The following SETDB1 variants were observed in gnomAD, a reference collection of about 807,000 sequenced individuals.
SETDB1 encodes SET domain bifurcated histone lysine methyltransferase 1.
In SETDB1, 31 loss-of-function variants were observed where a neutral mutation model predicts 137.4. The observed-to-expected ratio is 0.23, with a 90% CI of 0.17 to 0.30. The LOEUF (loss-of-function observed/expected upper bound fraction) is 0.30, where lower values mean the gene tolerates loss of function less well. Among genes scored for constraint, SETDB1 ranks in the 10% least tolerant of loss-of-function variants. The pLI, the probability that SETDB1 is intolerant of heterozygous loss-of-function variation, is 1.00. For missense variants in SETDB1, 1,113 were observed against 1,631.5 expected (o/e 0.68, Z 5.47); for synonymous variants, 548 against 579.9 (o/e 0.95, Z 0.79).
chr1:150,927,956 T>G lies in SETDB1; in HGVS notation c.242T>G (p.Leu81Arg), dbSNP rs1669588918. ...KESEVAHVDQ[L>R]FDDASRAVTN... ...TCTGAGGTGGCTCACGTTGACCAAC[T>G]CTTTGATGATGCATCCAGGTGAGAA... Residue 81 changes from leucine to arginine, a missense_variant, in exon 2 of 22, where the codon CTC (leucine) becomes CGC (arginine). Around this residue, in one of 11 missense-constraint regions of SETDB1, gnomAD observed 159 missense variants for 188.6 expected, o/e 0.84. Transcript: ENST00000692827. 6.2e-7 allele frequency: 1 copy of G among 1,614,056 alleles called. No homozygotes were observed. Among genetic ancestry groups the G allele is most frequent in the African/African-American group, 1.3e-5 (1 of 74,938 alleles).
rs1352196916 is a variant in SETDB1 at position 150,950,755 on chromosome 1, C to T, written c.1881C>T (p.Ile627=). 6.2e-7 allele frequency: 1 copy of T among 1,614,210 alleles called. No homozygotes were observed. The highest frequency in any genetic ancestry group is 1.1e-5 in the South Asian group (1 of 91,090). The stretch of plus-strand genomic sequence containing the variant: ...ACCGCAAGATGGGCTTTCATGTTAT[C>T]TATAAGACACCTTGTGGTCTCTGCC... ...RVNRKMGFHV[I]YKTPCGLCLR... is the part of the protein sequence containing the mutation. Residue 627 remains isoleucine (I), a synonymous_variant, in exon 13 of 22, where the codon ATC becomes ATT. Coordinates refer to ENST00000692827, the MANE Select transcript of SETDB1 (RefSeq NM_001366418.1).
intron 2 of SETDB1, 130 bp from the exon 3 acceptor site, chr1:150,929,837 A>G (rs1007919085): frequency 4.1e-6 from 3 of 729,556 alleles, no homozygotes; most frequent in Non-Finnish European, 6.8e-6. Context: ...TTCTAAACAG[A>G]GACACTTTGG....
At chr1:150,943,130 C>G in intron 7 of SETDB1, 77 bp downstream of exon 7, 1 of 993,434 alleles carries the variant, frequency 1.0e-6, no homozygotes, top group Non-Finnish European at 1.6e-6. Flanking sequence ...AGACCAGATA[C>G]CACAATTAGC....
intron 4 of SETDB1, among the ~76,000 whole-genome samples, chr1:150,940,852 G>T (rs2102684971): frequency 6.6e-6 from 1 of 152,264 alleles, no homozygotes; most frequent in Admixed American, 6.5e-5. Context: ...ACAAAAATTA[G>T]CTGGGCATGG....
intron 2 of SETDB1, 34 bp from the exon 3 acceptor site, chr1:150,929,933 G>A (rs956600513): frequency 2.5e-6 from 4 of 1,597,388 alleles, no homozygotes; most frequent in Non-Finnish European, 3.4e-6. Flanking sequence ...TCCTCTACTG[G>A]CTTTGACCTT....
intron 14 of SETDB1, among the ~76,000 whole-genome samples, chr1:150,957,102 G>A (rs1402745822): frequency 6.7e-6 from 1 of 149,924 alleles, no homozygotes; most frequent in African/African-American, 2.5e-5. Context: ...GGGTGACAGA[G>A]CAAGACCATG....
At chr1:150,953,315 A>G (rs1670549730) in intron 14 of SETDB1, among the ~76,000 whole-genome samples, 1 of 152,158 alleles carries the variant, frequency 6.6e-6, no homozygotes, top group Non-Finnish European at 1.5e-5. Context: ...ACTTGAGGTC[A>G]GGAGTTCAAG....
At chr1:150,963,426 C>T (rs905017541) in intron 19 of SETDB1, 104 bp from the exon 20 acceptor site, 24 of 972,206 alleles carry the variant, frequency 2.5e-5, no homozygotes, top group East Asian at 1.7e-4. Flanking sequence ...TGGTGTTTCT[C>T]AGCTGCAATG....
In SETDB1 at chr1:150,929,960, A is replaced by G; in HGVS notation, c.261-7A>G. Reference sequence around the variant, plus strand: ...TTTGACCTTTTCTGCATGTGTTCCAATATTAGGGCAGTGACTAATTGTGAG... The same window carrying G: ...TTTGACCTTTTCTGCATGTGTTCCAGTATTAGGGCAGTGACTAATTGTGAG... On this transcript the variant is annotated splice_region_variant and splice_polypyrimidine_tract_variant and intron_variant, in intron 2 of 21. Transcript: ENST00000692827. The G allele has an allele frequency of 1.9e-6, 3 of 1,611,786 alleles. No homozygotes were observed. The highest frequency in any genetic ancestry group is 2.5e-6 in the Non-Finnish European group (3 of 1,179,086).
chr1:150,958,621 A>G (rs1446542696), intron 14 of SETDB1, among the ~76,000 whole-genome samples: 2 of 152,128 alleles, frequency 1.3e-5, no homozygotes, highest in African/African-American at 4.8e-5. Flanking sequence ...TACTGAATGA[A>G]AGAATGAAAA....
chr1:150,938,922 G>A (rs1350163066), intron 3 of SETDB1, among the ~76,000 whole-genome samples: 1 of 151,322 alleles, frequency 6.6e-6, no homozygotes, highest in African/African-American at 2.4e-5. Flanking sequence ...GAACCCGAGA[G>A]GCAGAGGTTG....
chr1:150,928,969 C>T (rs1259882011), intron 2 of SETDB1, among the ~76,000 whole-genome samples: 3 of 152,072 alleles, frequency 2.0e-5, no homozygotes, highest in Non-Finnish European at 2.9e-5. Context: ...GTATATGTGC[C>T]ACATTTCTTA....
chr1:150,952,004 C>T (rs1413794759), intron 14 of SETDB1, among the ~76,000 whole-genome samples: 2 of 151,816 alleles, frequency 1.3e-5, no homozygotes, highest in South Asian at 2.1e-4. Flanking sequence ...AAAAATTAGC[C>T]GGGGGTGGTG....
chr1:150,942,460 A>G, intron 5 of SETDB1, 103 bp from the exon 6 acceptor site: 1 of 1,025,130 alleles, frequency 9.8e-7, no homozygotes, highest in Non-Finnish European at 1.4e-6. Context: ...AAAAAAAAAA[A>G]AATTACCCCA....
At chr1:150,959,488 G>C in intron 15 of SETDB1, 141 bp downstream of exon 15, 1 of 678,216 alleles carries the variant, frequency 1.5e-6, no homozygotes, top group Non-Finnish European at 2.6e-6. Context: ...CAAAGAACGT[G>C]ATGAGTGATG....
chr1:150,960,140 G>A (rs112456993), intron 15 of SETDB1, among the ~76,000 whole-genome samples: 9 of 151,646 alleles, frequency 5.9e-5, no homozygotes, highest in African/African-American at 2.2e-4. Context: ...TCTATATGCT[G>A]GTAGAGCGGG....
chr1:150,942,428 C>G (rs1670193316), intron 5 of SETDB1, 135 bp from the exon 6 acceptor site: 1 of 656,242 alleles, frequency 1.5e-6, no homozygotes, highest in Non-Finnish European at 2.5e-6. Context: ...AGCCTGGTGA[C>G]AGAGTGAGAC....
chr1:150,951,568 C>A, intron 14 of SETDB1, 87 bp downstream of exon 14: 2 of 706,254 alleles, frequency 2.8e-6, no homozygotes, highest in Non-Finnish European at 4.8e-6. Flanking sequence ...CATCAGAAAT[C>A]TAAAAATTGG....
rs1467803101 is a variant in SETDB1, at chr1:150,951,471, C to G, written c.2323C>G (p.Leu775Val). 6.3e-7 allele frequency: 1 copy of G among 1,584,992 alleles called. No homozygotes were observed. Among genetic ancestry groups the G allele is most frequent in the East Asian group, 2.2e-5 (1 of 44,748 alleles). Reference sequence around the variant, plus strand: ...CCAGTACAAGAGACTAGAAGAGTGTCTACCCACAGGGTAAGTGGTCAAGGA... The same window carrying G: ...CCAGTACAAGAGACTAGAAGAGTGTGTACCCACAGGGTAAGTGGTCAAGGA... The part of the protein sequence containing the change: ...GYQYKRLEEC[L>V]PTGVYECNKR... The change falls in exon 14 of 22, where the codon CTA becomes GTA. Residue 775 changes from leucine (L) to valine (V), a missense_variant. This residue lies in a region of SETDB1 where 81 missense variants were observed against 123.4 expected (regional missense o/e 0.66). Coordinates refer to ENST00000692827, the MANE Select transcript of SETDB1 (RefSeq NM_001366418.1).
Sources: gnomAD v4.1 joint callset for allele counts (sites outside exome capture counted in the v4.1 genomes callset) on GRCh38, gnomAD v4.1.1 for gene constraint, gnomAD v4.1.1 regional missense constraint, MANE v1.5 for transcripts, NCBI Gene and HGNC (gene_info 2026-07-23, HGNC 2026-07-21) for gene names.